Variants in CCDC80 observed in about 807,000 individuals in gnomAD.
The protein encoded by CCDC80 is coiled-coil domain containing 80.
A neutral mutation model predicts 78.7 loss-of-function variants in CCDC80; 49 were observed. That is an observed-to-expected ratio of 0.62 (90% CI 0.50 to 0.79). The LOEUF is 0.79. Among genes scored for constraint, CCDC80 ranks in the 30% least tolerant of loss-of-function variants. The probability of loss-of-function intolerance (pLI) is 0.00; values close to 1 mark genes in which losing one functional copy is unlikely to be tolerated. For missense variants in CCDC80, 1,205 were observed against 1,198.6 expected (o/e 1.01, Z -0.08); for synonymous variants, 488 against 447.0 (o/e 1.09, Z -1.16).
In CCDC80 at chr3:112,619,181, T is replaced by C. The variant is rs547856888; in HGVS notation, c.2036-77A>G. The C allele has an allele frequency of 1.0e-4, 140 of 1,337,372 alleles. 2 individuals carry two copies. The South Asian group carries it at 2.2e-3, about 21-fold the overall frequency. The allele number at this position is 1,337,372 out of a possible 1,614,324, so 82.8% of individuals were successfully genotyped here. A position where few individuals can be genotyped will look rare whatever the true frequency, so the allele number is the denominator to read the frequency against. On this transcript the variant is annotated intron_variant, in intron 3 of 7. Transcript: ENST00000206423. ...TTGGGAGGTGAATGGGTGAAGGCTT[T>C]GGGCCTAATCACACCAGCCTTCATT... is the stretch of plus-strand genomic sequence containing the variant.
intron 6 of CCDC80, 59 bp from the exon 7 acceptor site, chr3:112,607,315 T>C: frequency 7.8e-7 from 1 of 1,275,396 alleles, no homozygotes; most frequent in African/African-American, 1.5e-5. Flanking sequence ...ATCTTTTACT[T>C]CAAAGCCCTG....
At chr3:112,628,629 ATCTG>A (rs1487841288) in intron 3 of CCDC80, among the ~76,000 whole-genome samples, 13 of 152,170 alleles carry the variant, frequency 8.5e-5, no homozygotes, top group African/African-American at 2.9e-4. Context: ...CTGGATTTAA[ATCTG>A]TCTGTCTCCA....
rs901989353 is a variant in CCDC80, at chr3:112,607,270, G to T, written c.2426-14C>A. ...TGTGGCGCAGACCTGAGAGAAAAAA[G>T]AAAACCATAGGATTAGAGGAAAGGA... On this transcript the variant is annotated splice_polypyrimidine_tract_variant and intron_variant, in intron 6 of 7. Coordinates refer to ENST00000206423, the MANE Select transcript of CCDC80 (RefSeq NM_199511.3). 6.3e-7 allele frequency: 1 copy of T among 1,599,988 alleles called. No individual in the cohort carries two copies. The highest frequency in any genetic ancestry group is 8.5e-7 in the Non-Finnish European group (1 of 1,172,668).
At chr3:112,609,556 A>G (rs955755544) in intron 6 of CCDC80, among the ~76,000 whole-genome samples, 20 of 152,184 alleles carry the variant, frequency 1.3e-4, no homozygotes, top group African/African-American at 4.8e-4. Context: ...CAATTAATAT[A>G]TTATTCCCAG....
At chr3:112,615,899 G>C (rs1332882604) in intron 5 of CCDC80, among the ~76,000 whole-genome samples, 1 of 152,138 alleles carries the variant, frequency 6.6e-6, no homozygotes, top group Admixed American at 6.5e-5. Flanking sequence ...ATATCATCAA[G>C]AAATAACCAT....
intron 1 of CCDC80, among the ~76,000 whole-genome samples, chr3:112,640,124 T>C (rs939231487): frequency 6.6e-6 from 1 of 152,210 alleles, no homozygotes; most frequent in Non-Finnish European, 1.5e-5. Context: ...TGTTAGTGTT[T>C]AACAGAGACA....
In CCDC80 at chr3:112,605,684, C is replaced by T. The variant is rs201051659; in HGVS notation, c.2586G>A (p.Glu862=). The T allele has an allele frequency of 1.9e-5, 31 of 1,614,086 alleles. No homozygotes were observed. Among genetic ancestry groups the T allele is most frequent in the Admixed American group, 5.0e-5 (3 of 60,004 alleles). The change falls in exon 8 of 8, where the codon GAG becomes GAA. Residue 862 remains glutamate, a synonymous_variant. Transcript: ENST00000206423. ...TTCCGACTAGAAGCATGGAGAAGTA[C>T]TCCGGGCTCACTTGAAAATAGTTAC... The part of the protein sequence containing the change: ...DIRNYFQVSP[E]YFSMLLVGKD...
chr3:112,607,450 G>T (rs931185531), intron 6 of CCDC80, among the ~76,000 whole-genome samples, 194 bp from the exon 7 acceptor site: 1 of 152,136 alleles, frequency 6.6e-6, no homozygotes, highest in African/African-American at 2.4e-5. Flanking sequence ...CAAAGAAGAT[G>T]AACTGTGATT....
chr3:112,625,883 AAAAC>A (rs1935959976), intron 3 of CCDC80, among the ~76,000 whole-genome samples: 1 of 152,184 alleles, frequency 6.6e-6, no homozygotes, highest in African/African-American at 2.4e-5. Context: ...AAATTAAACA[AAAAC>A]AAAAATACCT....
In CCDC80 at chr3:112,638,416, G is replaced by C; in HGVS notation, c.1490C>G (p.Ala497Gly). The change falls in exon 2 of 8, where the codon GCC (alanine) becomes GGC (glycine). Residue 497 changes from alanine (A) to glycine (G), a missense_variant. Transcript: ENST00000206423. The stretch of plus-strand genomic sequence containing the variant: ...CTCATTACTAAGAATTTTGTCCTGG[G>C]CCTTCTTTTTGGGAGGTTTCTCCTT... ...PAKEKPPKKK[A>G]QDKILSNEYE... The C allele has an allele frequency of 6.2e-7, 1 of 1,613,312 alleles. No individual in the cohort carries two copies. The highest frequency in any genetic ancestry group is 8.5e-7 in the Non-Finnish European group (1 of 1,179,964).
intron 2 of CCDC80, among the ~76,000 whole-genome samples, chr3:112,634,794 A>C (rs185299757): frequency 2.6e-5 from 4 of 152,212 alleles, no homozygotes; most frequent in Non-Finnish European, 5.9e-5. Context: ...TTCATACCCA[A>C]AAGAATTCAG....
intron 6 of CCDC80, among the ~76,000 whole-genome samples, chr3:112,608,314 AAGG>A (rs1317862497): frequency 2.0e-5 from 3 of 152,248 alleles, no homozygotes; most frequent in African/African-American, 7.2e-5. Context: ...GGGTACTTCT[AAGG>A]AGAAGCTAAA....
chr3:112,617,161 T>C (rs1365714922), intron 4 of CCDC80, among the ~76,000 whole-genome samples: 2 of 152,218 alleles, frequency 1.3e-5, no homozygotes, highest in African/African-American at 4.8e-5. Flanking sequence ...CCTTTGGGAC[T>C]AAGCTGGTTC....
At chr3:112,626,404 G>A (rs147768729) in intron 3 of CCDC80, among the ~76,000 whole-genome samples, 1 of 152,008 alleles carries the variant, frequency 6.6e-6, no homozygotes, top group Non-Finnish European at 1.5e-5. Context: ...CTGCCCCAGA[G>A]GCAAAGCAGC....
chr3:112,616,449 G>GAAAAAAAA (rs59366104), intron 5 of CCDC80, among the ~76,000 whole-genome samples: 1 of 133,652 alleles, frequency 7.5e-6, no homozygotes, highest in African/African-American at 2.7e-5. Flanking sequence ...AAAAAGAAAA[G>GAAAAAAAA]AAAAAAAAAA....
intron 2 of CCDC80, among the ~76,000 whole-genome samples, chr3:112,632,624 C>G (rs1023445436): frequency 6.6e-6 from 1 of 152,184 alleles, no homozygotes. Flanking sequence ...TATGTAATCA[C>G]ACAGAACCTT....
At position 112,630,199 on chromosome 3, in the gene CCDC80, C is replaced by A; in HGVS notation, c.1949G>T (p.Cys650Phe). 1 of 1,613,908 alleles carries A rather than the reference C, an allele frequency of 6.2e-7. No individual in the cohort carries two copies. Among genetic ancestry groups the A allele is most frequent in the South Asian group, 1.1e-5 (1 of 91,078 alleles). Residue 650 changes from cysteine (C) to phenylalanine (F), a missense_variant, in exon 3 of 8, where the codon TGC (cysteine) becomes TTC (phenylalanine). Coordinates refer to ENST00000206423, the MANE Select transcript of CCDC80 (RefSeq NM_199511.3). ...QQRDEYLESF[C>F]KMATRKISVI... ...AGAGATTTTCCTGGTAGCCATCTTG[C>A]AGAAACTTTCCAGATATTCATCACG... is the stretch of plus-strand genomic sequence containing the variant.
intron 2 of CCDC80, among the ~76,000 whole-genome samples, chr3:112,636,194 A>G (rs1466483111): frequency 1.3e-5 from 2 of 152,186 alleles, no homozygotes; most frequent in African/African-American, 4.8e-5. Flanking sequence ...ATTCTTTCCC[A>G]TGCCCCAGAG....
At chr3:112,618,939 A>G (rs771077513) in intron 4 of CCDC80, 29 bp downstream of exon 4, 6 of 1,602,220 alleles carry the variant, frequency 3.7e-6, no homozygotes, top group East Asian at 4.5e-5. Flanking sequence ...AAGAAATAGT[A>G]CTACATTATT....
Sources: allele counts gnomAD v4.1 joint callset (sites outside exome capture counted in the v4.1 genomes callset), GRCh38; gene constraint gnomAD v4.1.1; transcripts MANE v1.5; gene names NCBI Gene and HGNC (gene_info 2026-07-23, HGNC 2026-07-21).